TFIP11: variants seen among roughly 807,000 people sequenced by gnomAD.
The protein encoded by TFIP11 is tuftelin-interacting protein 11.
A neutral mutation model predicts 96.8 loss-of-function variants in TFIP11; 86 were observed. That is an observed-to-expected ratio of 0.89 (90% CI 0.75 to 1.06). TFIP11 has a LOEUF of 1.06. TFIP11 is among the 50% of genes least tolerant of loss of function. TFIP11 has a pLI of 0.00. For synonymous variants in TFIP11, 405 were observed against 395.2 expected, an observed-to-expected ratio of 1.02 and a Z score of -0.29; for missense variants, 881 against 1,076.7, an observed-to-expected ratio of 0.82 and a Z score of 2.54.
At chr22:26,495,797 T>C (rs1407781245) in intron 12 of TFIP11, among the ~76,000 whole-genome samples, 4 of 152,050 alleles carry the variant, frequency 2.6e-5, no homozygotes, top group Non-Finnish European at 5.9e-5. Flanking sequence ...GCTGTCCTAT[T>C]ACCAGAAGCC....
In TFIP11 at chr22:26,499,472, C is replaced by T; in HGVS notation, c.961G>A (p.Glu321Lys). The change falls in exon 9 of 15, where the codon GAG (glutamate) becomes AAG (lysine). Residue 321 changes from glutamate (E) to lysine (K), a missense_variant. Transcript: ENST00000407690. ...TCGATGAGCAGCTGCAGGTTGTGCT[C>T]CAGCTCGGGCAGCGCGAAGCCGGGG... ...KAPGFALPEL[E>K]HNLQLLIDLT... 6.2e-7 allele frequency: 1 copy of T among 1,614,184 alleles called. No individual in the cohort carries two copies. Among genetic ancestry groups the T allele is most frequent in the East Asian group, 2.2e-5 (1 of 44,888 alleles).
intron 12 of TFIP11, among the ~76,000 whole-genome samples, chr22:26,495,743 A>G (rs1921930950): frequency 6.6e-6 from 1 of 151,754 alleles, no homozygotes; most frequent in Non-Finnish European, 1.5e-5. Flanking sequence ...ATAACTCCCT[A>G]ATAATTTAGA....
At position 26,499,184 on chromosome 22, in the gene TFIP11, T is replaced by A. The variant is rs765698746; in HGVS notation, c.1249A>T (p.Met417Leu). 13 of 1,612,616 alleles carry A rather than the reference T, an allele frequency of 8.1e-6. No homozygotes were observed. The South Asian group carries it at 9.9e-5, about 12-fold the overall frequency. Residue 417 changes from methionine (M) to leucine (L), a missense_variant, in exon 9 of 15, where the codon ATG becomes TTG. Met to Leu is a conservative substitution (Grantham distance 15). Coordinates refer to ENST00000407690, the MANE Select transcript of TFIP11 (RefSeq NM_012143.4). The part of the protein sequence containing the change: ...LQDKYYEEYR[M>L]SDRVDLAVAI... ...ACAGCAAGGTCCACACGGTCGGACA[T>A]CCTGTACTCCTCATAGTACTTGTCC...
At position 26,499,338 on chromosome 22, in the gene TFIP11, G is replaced by A. The variant is rs914264078; in HGVS notation, c.1095C>T (p.His365=). Residue 365 remains histidine (H), a synonymous_variant, in exon 9 of 15, where the codon CAC becomes CAT. Coordinates refer to ENST00000407690, the MANE Select transcript of TFIP11 (RefSeq NM_012143.4). The stretch of plus-strand genomic sequence containing the variant: ...TGAGGTTCGAGATGACCCGCTCCTC[G>A]TGGTCCAGGACCTCGGTCATCTTCT... The part of the protein sequence containing the change: ...ELEKMTEVLD[H]EERVISNLSK... 1.8e-5 allele frequency: 29 copies of A among 1,613,998 alleles called. No homozygotes were observed. Among genetic ancestry groups the A allele is most frequent in the South Asian group, 5.5e-5 (5 of 91,082 alleles).
intron 8 of TFIP11, 65 bp from the exon 9 acceptor site, chr22:26,499,696 CA>C: frequency 6.7e-7 from 1 of 1,500,574 alleles, no homozygotes; most frequent in African/African-American, 1.4e-5. Context: ...CAGCTAAGCC[CA>C]GGGGAAGGCC....
chr22:26,493,846 C>G (rs939909936), intron 14 of TFIP11: 1 of 371,000 alleles, frequency 2.7e-6, no homozygotes, highest in African/African-American at 2.1e-5. Context: ...AAAGGCCACA[C>G]AGCACAGTGG....
At chr22:26,501,514 A>G (rs1290539248) in intron 8 of TFIP11, among the ~76,000 whole-genome samples, 1 of 151,938 alleles carries the variant, frequency 6.6e-6, no homozygotes, top group Non-Finnish European at 1.5e-5. Flanking sequence ...AATACAGCAC[A>G]GCCACTCTCT....
At chr22:26,499,695 C>A in intron 8 of TFIP11, 64 bp from the exon 9 acceptor site, 1 of 1,507,042 alleles carries the variant, frequency 6.6e-7, no homozygotes, top group Non-Finnish European at 8.9e-7. Flanking sequence ...ACAGCTAAGC[C>A]CAGGGGAAGG....
In TFIP11 at chr22:26,494,854, G is replaced by T; in HGVS notation, c.1935C>A (p.Ile645=). 1 of 1,614,202 alleles carries T rather than the reference G, an allele frequency of 6.2e-7. No individual in the cohort carries two copies. The highest frequency in any genetic ancestry group is 8.5e-7 in the Non-Finnish European group (1 of 1,180,038). ...GAAGTCCCACCAGGCTAGAGACAGA[G>T]ATCATCCCTTCCCAGTCAATCACCC... ...FYWVIDWEGM[I]SVSSLVGLLE... The change falls in exon 13 of 15, where the codon ATC becomes ATA. Residue 645 remains isoleucine (I), a synonymous_variant. Coordinates refer to ENST00000407690, the MANE Select transcript of TFIP11 (RefSeq NM_012143.4).
Position 26,491,717 on chromosome 22 carries a change from C to T in TFIP11, c.*296G>A, listed in dbSNP as rs746041781. The T allele has an allele frequency of 2.7e-5, 42 of 1,540,954 alleles. No individual in the cohort carries two copies. The highest frequency in any genetic ancestry group is 3.5e-5 in the Non-Finnish European group (39 of 1,128,426). ...GTGTTGGCTGAGGTAGAAGCTGCCA[C>T]CAGAGACTAAAGGGAAGGCTGCTAT... is the stretch of plus-strand genomic sequence containing the variant. On this transcript the variant is annotated 3_prime_UTR_variant, in exon 15 of 15. Transcript: ENST00000407690.
chr22:26,508,086 G>A (rs1555924425), intron 4 of TFIP11, among the ~76,000 whole-genome samples: 1 of 152,130 alleles, frequency 6.6e-6, no homozygotes, highest in Non-Finnish European at 1.5e-5. Flanking sequence ...CTCCAGCTTG[G>A]GTAATAGAGA....
At chr22:26,507,630 CAAAAA>C (rs134137) in intron 4 of TFIP11, among the ~76,000 whole-genome samples, 1 of 115,574 alleles carries the variant, frequency 8.7e-6, no homozygotes, top group African/African-American at 3.2e-5. Flanking sequence ...ACCTTATCTC[CAAAAA>C]AAAAAAAAAA....
chr22:26,502,573 G>T (rs1224731453), intron 7 of TFIP11, among the ~76,000 whole-genome samples: 1 of 152,174 alleles, frequency 6.6e-6, no homozygotes, highest in Admixed American at 6.5e-5. Context: ...TCTGAATACG[G>T]CCTGTTTACG....
At position 26,491,558 on chromosome 22, in the gene TFIP11, G is replaced by C. The variant is rs548146134; in HGVS notation, c.*455C>G. ...CTGTCCACTGGTTCCCTGTGCAAAAGCTAGAACAGCTCTCCATAGATATTT... is the reference window on the plus strand; with the variant it reads ...CTGTCCACTGGTTCCCTGTGCAAAACCTAGAACAGCTCTCCATAGATATTT... On this transcript the variant is annotated 3_prime_UTR_variant, in exon 15 of 15. Coordinates refer to ENST00000407690, the MANE Select transcript of TFIP11 (RefSeq NM_012143.4). 19 of 1,614,054 alleles carry C rather than the reference G, an allele frequency of 1.2e-5. No homozygotes were observed. Among genetic ancestry groups the C allele is most frequent in the Admixed American group, 8.3e-5 (5 of 60,016 alleles).
chr22:26,497,558 C>A (rs949469762), intron 10 of TFIP11, among the ~76,000 whole-genome samples: 2 of 152,200 alleles, frequency 1.3e-5, no homozygotes, highest in African/African-American at 4.8e-5. Context: ...ATCCAGCAAT[C>A]CCACTACTGG....
chr22:26,497,073 ACTCTC>A, intron 10 of TFIP11, among the ~76,000 whole-genome samples, 184 bp from the exon 11 acceptor site: 1 of 151,462 alleles, frequency 6.6e-6, no homozygotes, highest in South Asian at 2.1e-4. Context: ...TGTTCTCTTG[ACTCTC>A]CTCTCAATCT....
chr22:26,502,129 G>A (rs1026257737), intron 7 of TFIP11, 77 bp from the exon 8 acceptor site: 3 of 1,563,328 alleles, frequency 1.9e-6, no homozygotes, highest in Admixed American at 3.4e-5. Flanking sequence ...GAGACCATTA[G>A]CAGATGTCAC....
intron 6 of TFIP11, among the ~76,000 whole-genome samples, chr22:26,503,994 G>A (rs1282531559): frequency 1.3e-5 from 2 of 152,094 alleles, no homozygotes; most frequent in African/African-American, 4.8e-5. Context: ...TGCTACCACA[G>A]AACAGTCTGC....
chr22:26,496,916 T>G, intron 10 of TFIP11, 27 bp from the exon 11 acceptor site: 3 of 1,611,936 alleles, frequency 1.9e-6, no homozygotes, highest in Non-Finnish European at 2.5e-6. Context: ...GAGGACAGGC[T>G]GGTTAATTAC....
Sources: allele counts gnomAD v4.1 joint callset (sites outside exome capture counted in the v4.1 genomes callset), GRCh38; gene constraint gnomAD v4.1.1; transcripts MANE v1.5; gene names NCBI Gene and HGNC (gene_info 2026-07-23, HGNC 2026-07-21).